The following TMEM135 variants were observed in gnomAD, a reference collection of about 807,000 sequenced individuals.
TMEM135 encodes the protein peroxisomal membrane protein 52.
Under a neutral mutation model 60.3 loss-of-function variants are expected in TMEM135, and 30 were observed. That is an observed-to-expected ratio of 0.50 (90% confidence interval 0.37 to 0.68). TMEM135 has a LOEUF of 0.68. Ranked by LOEUF, TMEM135 falls within the 30% of genes least tolerant of loss-of-function variation. The pLI is 0.00. For synonymous variants in TMEM135, 190 were observed against 186.7 expected, an observed-to-expected ratio of 1.02 and a Z score of -0.14; for missense variants, 468 against 548.8, an observed-to-expected ratio of 0.85 and a Z score of 1.47.
intron 6 of TMEM135, among the ~76,000 whole-genome samples, chr11:87,274,828 G>GTGTGTGTT (rs1316967853): frequency 1.5e-5 from 2 of 132,530 alleles, no homozygotes; most frequent in South Asian, 2.3e-4. Flanking sequence ...GTGTGTGTGT[G>GTGTGTGTT]TTTATATATT....
chr11:87,271,809 G>A (rs573284168), intron 6 of TMEM135, among the ~76,000 whole-genome samples: 9 of 151,838 alleles, frequency 5.9e-5, no homozygotes, highest in South Asian at 2.1e-4. Context: ...GGCAGCATGC[G>A]CTTATTGTCC....
At chr11:87,074,257 G>C (rs1482119924) in intron 3 of TMEM135, among the ~76,000 whole-genome samples, 1 of 152,150 alleles carries the variant, frequency 6.6e-6, no homozygotes, top group African/African-American at 2.4e-5. Context: ...TGAGCTACTG[G>C]GCCCGGCCTG....
At chr11:87,235,602 T>C (rs919258071) in intron 5 of TMEM135, among the ~76,000 whole-genome samples, 2 of 151,982 alleles carry the variant, frequency 1.3e-5, no homozygotes, top group African/African-American at 4.8e-5. Flanking sequence ...GTTCTTGTGG[T>C]CACCCTTTCA....
chr11:87,138,585 A>G (rs1250311283), intron 4 of TMEM135, among the ~76,000 whole-genome samples: 12 of 152,304 alleles, frequency 7.9e-5, no homozygotes, highest in East Asian at 7.7e-4. Flanking sequence ...CATTTATTCA[A>G]TATTTTTTGA....
At position 87,109,024 on chromosome 11, in the gene TMEM135, C is replaced by G. The variant is rs564795237; in HGVS notation, c.396+17629C>G. The stretch of plus-strand genomic sequence containing the variant: ...TAATGTAATCTATAGTAATAGAAAG[C>G]AGGTATGTGGTGGGAGAGTAGGGAG... On this transcript the variant is annotated intron_variant, in intron 4 of 14. Coordinates refer to ENST00000305494, the MANE Select transcript of TMEM135 (RefSeq NM_022918.4). Among the ~76,000 whole-genome samples the G allele has an allele frequency of 2.6e-5, 4 of 152,058 alleles. No homozygotes were observed. In the South Asian group the frequency reaches 6.2e-4, roughly 24 times the overall value.
At chr11:87,070,407 G>A (rs887179507) in intron 2 of TMEM135, among the ~76,000 whole-genome samples, 5 of 151,972 alleles carry the variant, frequency 3.3e-5, no homozygotes, top group Non-Finnish European at 5.9e-5. Flanking sequence ...CACTTTGGGG[G>A]GCCGAGGCAG....
At chr11:87,194,273 A>T (rs1295045416) in intron 5 of TMEM135, among the ~76,000 whole-genome samples, 1 of 152,222 alleles carries the variant, frequency 6.6e-6, no homozygotes, top group Non-Finnish European at 1.5e-5. Flanking sequence ...CTTAAAATCA[A>T]CAAAATACCT....
rs991901159 is a variant in TMEM135, at chr11:87,089,381, A to T, written c.363-1981A>T. 9.9e-5 allele frequency among the ~76,000 whole-genome samples: 15 copies of T among 152,122 alleles called. 1 individual carries two copies. Among genetic ancestry groups the T allele is most frequent in the Admixed American group, 9.2e-4 (14 of 15,270 alleles). Reference sequence around the variant, plus strand: ...AGACTGTGTCTCTACAGAAAATTAAAAAATTAGTAGGCATGGTAGTGTGCA... The same window carrying T: ...AGACTGTGTCTCTACAGAAAATTAATAAATTAGTAGGCATGGTAGTGTGCA... On this transcript the variant is annotated intron_variant, in intron 3 of 14. Coordinates refer to ENST00000305494, the MANE Select transcript of TMEM135 (RefSeq NM_022918.4).
At chr11:87,068,109 AT>A (rs1391558225) in intron 2 of TMEM135, among the ~76,000 whole-genome samples, 1 of 152,124 alleles carries the variant, frequency 6.6e-6, no homozygotes, top group African/African-American at 2.4e-5. Flanking sequence ...GTTGAATAGG[AT>A]TTCTTAGCTT....
chr11:87,207,911 T>C (rs1318942957), intron 5 of TMEM135, among the ~76,000 whole-genome samples: 1 of 152,150 alleles, frequency 6.6e-6, no homozygotes, highest in African/African-American at 2.4e-5. Flanking sequence ...AGGACAAAAC[T>C]GTGAACCTGG....
intron 4 of TMEM135, among the ~76,000 whole-genome samples, chr11:87,155,696 G>A (rs1381286172): frequency 6.6e-6 from 1 of 152,158 alleles, no homozygotes; most frequent in Non-Finnish European, 1.5e-5. Flanking sequence ...GAGATGGTTG[G>A]TTGGTCCAAG....
At chr11:87,248,491 G>T (rs1362591426) in intron 6 of TMEM135, among the ~76,000 whole-genome samples, 2 of 152,118 alleles carry the variant, frequency 1.3e-5, no homozygotes, top group Non-Finnish European at 2.9e-5. Context: ...CTTGCCATTT[G>T]TATGTCTTCT....
intron 9 of TMEM135, among the ~76,000 whole-genome samples, chr11:87,308,335 C>G (rs907964416): frequency 4.6e-5 from 7 of 152,106 alleles, no homozygotes; most frequent in Admixed American, 2.6e-4. Context: ...ATAAGGTTAT[C>G]AATGGCAAGA....
In TMEM135 at chr11:87,149,955, G is replaced by T. The variant is rs112322770; in HGVS notation, c.397-7386G>T. On this transcript the variant is annotated intron_variant, in intron 4 of 14. Coordinates refer to ENST00000305494, the MANE Select transcript of TMEM135 (RefSeq NM_022918.4). ...ATTGTGGCTGGGCGCGGTGGTGCACGCCTGTAATCCCAGCACTTTGGGAGG... is the reference window on the plus strand; with the variant it reads ...ATTGTGGCTGGGCGCGGTGGTGCACTCCTGTAATCCCAGCACTTTGGGAGG... Among the ~76,000 whole-genome samples, 3 of 152,204 alleles carry T rather than the reference G, an allele frequency of 2.0e-5. No homozygotes were observed. In the South Asian group the frequency reaches 6.2e-4, roughly 32 times the overall value.
At chr11:87,253,999 A>G (rs1941473657) in intron 6 of TMEM135, among the ~76,000 whole-genome samples, 1 of 152,056 alleles carries the variant, frequency 6.6e-6, no homozygotes, top group South Asian at 2.1e-4. Flanking sequence ...TTTTTTCAAT[A>G]AAGCATTTCT....
chr11:87,328,537 C>T lies in TMEM135; in HGVS notation c.*7204C>T, dbSNP rs1942947785. 1 of 453,950 alleles carries T rather than the reference C, an allele frequency of 2.2e-6. No homozygotes were observed. The highest frequency in any genetic ancestry group is 2.4e-5 in the Admixed American group (1 of 42,540). The allele number at this position is 453,950 out of a possible 1,614,324, so 28.1% of individuals were successfully genotyped here. ...AGTCTCCATAGTCCATTATATCACT[C>T]TGTATACCCTTGTGTATCCATAGCT... On this transcript the variant is annotated 3_prime_UTR_variant, in exon 15 of 15. Coordinates refer to ENST00000305494, the MANE Select transcript of TMEM135 (RefSeq NM_022918.4).
At chr11:87,170,644 G>A (rs1047528999) in intron 5 of TMEM135, among the ~76,000 whole-genome samples, 6 of 152,194 alleles carry the variant, frequency 3.9e-5, no homozygotes, top group East Asian at 3.9e-4. Flanking sequence ...AGATTGCTGC[G>A]TGTTCCTTCC....
intron 1 of TMEM135, among the ~76,000 whole-genome samples, chr11:87,058,347 T>TTA (rs1263631157): frequency 6.0e-4 from 83 of 137,526 alleles, no homozygotes; most frequent in African/African-American, 1.5e-3. Context: ...TATTATTATT[T>TTA]TTTTGACAGT....
Position 87,239,006 on chromosome 11 carries a change from A to G in TMEM135, c.509+2322A>G, listed in dbSNP as rs76425435. Reference sequence around the variant, plus strand: ...TAAAAATAAATCATTTGTTAAATACACCAATAAAGACCCAATTTATAGCAT... The same window carrying G: ...TAAAAATAAATCATTTGTTAAATACGCCAATAAAGACCCAATTTATAGCAT... On this transcript the variant is annotated intron_variant, in intron 6 of 14. Transcript: ENST00000305494. 9.9e-5 allele frequency among the ~76,000 whole-genome samples: 15 copies of G among 152,184 alleles called. No individual in the cohort carries two copies. The East Asian group carries it at 2.9e-3, about 29-fold the overall frequency.
Sources: gnomAD v4.1 joint callset for allele counts (sites outside exome capture counted in the v4.1 genomes callset) on GRCh38, gnomAD v4.1.1 for gene constraint, MANE v1.5 for transcripts, NCBI Gene and HGNC (gene_info 2026-07-23, HGNC 2026-07-21) for gene names.